Variants in ST6GALNAC3 observed in about 807,000 individuals in gnomAD.
ST6GALNAC3 encodes the protein ST6 N-acetylgalactosaminide alpha-2,6-sialyltransferase 3, also known as alpha-N-acetylgalactosaminide alpha-2,6-sialyltransferase 3.
ST6GALNAC3 carries 25 observed loss-of-function variants against 32.7 expected under a neutral mutation model. The ratio of observed to expected loss-of-function variants is 0.76; its 90% CI spans 0.56 to 1.07. ST6GALNAC3 has a LOEUF of 1.07. Ranked by LOEUF, ST6GALNAC3 falls within the 50% of genes least tolerant of loss-of-function variation. The pLI is 0.00. For synonymous variants in ST6GALNAC3, 129 were observed against 133.1 expected, an observed-to-expected ratio of 0.97 and a Z score of 0.21; for missense variants, 355 against 382.4, an observed-to-expected ratio of 0.93 and a Z score of 0.60.
intron 3 of ST6GALNAC3, among the ~76,000 whole-genome samples, chr1:76,482,927 C>T (rs1300246365): frequency 6.8e-6 from 1 of 147,594 alleles, no homozygotes; most frequent in Non-Finnish European, 1.5e-5. Context: ...TTCCTGTGTC[C>T]ATCTGTTCTC....
chr1:76,371,416 C>T lies in ST6GALNAC3; in HGVS notation c.214-40592C>T, dbSNP rs185680392. Among the ~76,000 whole-genome samples, 25 of 152,076 alleles carry T rather than the reference C, an allele frequency of 1.6e-4. No homozygotes were observed. The East Asian group carries it at 4.1e-3, about 25-fold the overall frequency. On this transcript the variant is annotated intron_variant, in intron 2 of 4. Coordinates refer to ENST00000328299, the MANE Select transcript of ST6GALNAC3 (RefSeq NM_152996.4). Reference sequence around the variant, plus strand: ...TGAATAAGGGGAAGTATTTGAAAACCGAGAGTTGTAGTGGAAGGGCATCCT... The same window carrying T: ...TGAATAAGGGGAAGTATTTGAAAACTGAGAGTTGTAGTGGAAGGGCATCCT...
At chr1:76,512,976 T>C (rs928511708) in intron 3 of ST6GALNAC3, among the ~76,000 whole-genome samples, 3 of 151,542 alleles carry the variant, frequency 2.0e-5, no homozygotes, top group African/African-American at 7.3e-5. Flanking sequence ...AATATCTATT[T>C]AGGTATATTG....
chr1:76,330,234 C>A (rs1185975463), intron 2 of ST6GALNAC3, among the ~76,000 whole-genome samples: 4 of 152,066 alleles, frequency 2.6e-5, no homozygotes, highest in Non-Finnish European at 4.4e-5. Flanking sequence ...CTCACTGCAA[C>A]CTCTGCCTCC....
chr1:76,538,813 A>G (rs1036913216), intron 3 of ST6GALNAC3, among the ~76,000 whole-genome samples: 3 of 152,182 alleles, frequency 2.0e-5, no homozygotes, highest in African/African-American at 4.8e-5. Context: ...CTAACACGGT[A>G]TGTGAAGGAC....
At chr1:76,606,203 A>C (rs1252131002) in intron 3 of ST6GALNAC3, among the ~76,000 whole-genome samples, 1 of 152,160 alleles carries the variant, frequency 6.6e-6, no homozygotes, top group African/African-American at 2.4e-5. Context: ...TGACCCAGCA[A>C]TCCCATTACT....
At chr1:76,343,278 G>A (rs1451157650) in intron 2 of ST6GALNAC3, among the ~76,000 whole-genome samples, 1 of 151,968 alleles carries the variant, frequency 6.6e-6, no homozygotes, top group African/African-American at 2.4e-5. Context: ...AGTAAACTTT[G>A]TTTTTTTAGA....
At chr1:76,340,765 A>C (rs1157187742) in intron 2 of ST6GALNAC3, among the ~76,000 whole-genome samples, 1 of 151,822 alleles carries the variant, frequency 6.6e-6, no homozygotes, top group Non-Finnish European at 1.5e-5. Context: ...GGATTAGAGA[A>C]GGCTTCCCCT....
At chr1:76,525,715 C>CTA (rs1250731269) in intron 3 of ST6GALNAC3, among the ~76,000 whole-genome samples, 1 of 144,196 alleles carries the variant, frequency 6.9e-6, no homozygotes, top group Non-Finnish European at 1.5e-5. Context: ...CATTAAACAA[C>CTA]TATATATATG....
At chr1:76,388,549 T>TGCCAATGTTGCAGCC (rs1652275683) in intron 2 of ST6GALNAC3, among the ~76,000 whole-genome samples, 2 of 152,186 alleles carry the variant, frequency 1.3e-5, no homozygotes, top group Non-Finnish European at 2.9e-5. Context: ...GCCAGAGGTA[T>TGCCAATGTTGCAGCC]AGTTGTTACT....
chr1:76,568,141 A>G (rs553109680), intron 3 of ST6GALNAC3, among the ~76,000 whole-genome samples: 1 of 152,196 alleles, frequency 6.6e-6, no homozygotes, highest in Non-Finnish European at 1.5e-5. Context: ...TTCCTTGTCT[A>G]CTACATCATT....
chr1:76,574,909 A>G (rs1354115701), intron 3 of ST6GALNAC3, among the ~76,000 whole-genome samples: 1 of 152,064 alleles, frequency 6.6e-6, no homozygotes. Context: ...CCCTTCCTCC[A>G]TGTGTGGTCT....
At chr1:76,493,284 A>C (rs1660614562) in intron 3 of ST6GALNAC3, among the ~76,000 whole-genome samples, 1 of 152,204 alleles carries the variant, frequency 6.6e-6, no homozygotes, top group East Asian at 1.9e-4. Flanking sequence ...ACTTACAGGC[A>C]CACCAAGCCT....
chr1:76,317,415 T>C (rs1438458886), intron 2 of ST6GALNAC3, among the ~76,000 whole-genome samples: 1 of 152,118 alleles, frequency 6.6e-6, no homozygotes, highest in Non-Finnish European at 1.5e-5. Context: ...CTAGGACAAA[T>C]AGCTTAAATA....
chr1:76,583,254 C>G (rs898085829), intron 3 of ST6GALNAC3, among the ~76,000 whole-genome samples: 1 of 152,086 alleles, frequency 6.6e-6, no homozygotes, highest in African/African-American at 2.4e-5. Context: ...TTCTTTCTGC[C>G]CTATATTTTT....
chr1:76,467,391 G>C (rs1218144743), intron 3 of ST6GALNAC3, among the ~76,000 whole-genome samples: 2 of 151,972 alleles, frequency 1.3e-5, no homozygotes, highest in African/African-American at 4.8e-5. Context: ...ATCCATCCCT[G>C]CTATGCTTGA....
intron 3 of ST6GALNAC3, among the ~76,000 whole-genome samples, chr1:76,560,127 T>C (rs1476188277): frequency 6.6e-6 from 1 of 152,052 alleles, no homozygotes; most frequent in Non-Finnish European, 1.5e-5. Context: ...AAACTAGATA[T>C]CCATATGCAG....
intron 3 of ST6GALNAC3, among the ~76,000 whole-genome samples, chr1:76,581,290 C>T (rs1646888798): frequency 6.6e-6 from 1 of 152,092 alleles, no homozygotes; most frequent in South Asian, 2.1e-4. Flanking sequence ...TTTCTAGATA[C>T]ATCACTGCAG....
chr1:76,229,691 G>T (rs887272868), intron 1 of ST6GALNAC3, among the ~76,000 whole-genome samples: 12 of 152,158 alleles, frequency 7.9e-5, no homozygotes, highest in Non-Finnish European at 1.8e-4. Flanking sequence ...TGTAGCTGTT[G>T]TTCCTTCAGG....
intron 1 of ST6GALNAC3, among the ~76,000 whole-genome samples, chr1:76,181,174 A>G (rs545509535): frequency 6.6e-6 from 1 of 152,330 alleles, no homozygotes; most frequent in East Asian, 1.9e-4. Context: ...CAGACAAGCC[A>G]AACCCCTGTT....
Sources: gnomAD v4.1 joint callset for allele counts (sites outside exome capture counted in the v4.1 genomes callset) on GRCh38, gnomAD v4.1.1 for gene constraint, MANE v1.5 for transcripts, NCBI Gene and HGNC (gene_info 2026-07-23, HGNC 2026-07-21) for gene names.